TAS2R1: variants seen among roughly 807,000 people sequenced by gnomAD.
TAS2R1 encodes taste 2 receptor member 1, also known as taste receptor type 2 member 1.
For missense variants in TAS2R1, 370 were observed against 353.4 expected, an observed-to-expected ratio of 1.05 and a Z score of -0.38; for synonymous variants, 141 against 134.2, an observed-to-expected ratio of 1.05 and a Z score of -0.35.
chr5:9,903,128 T>C, the TAS2R1 span, among the ~76,000 whole-genome samples: 1 of 151,962 alleles, frequency 6.6e-6, no homozygotes, highest in African/African-American at 2.4e-5. Context: ...AAATGTACAG[T>C]TGAGTTACTA....
chr5:9,798,313 G>T, the TAS2R1 span, among the ~76,000 whole-genome samples: 1 of 152,032 alleles, frequency 6.6e-6, no homozygotes, highest in South Asian at 2.1e-4. Flanking sequence ...TTGGATTATG[G>T]TGATAATTGT....
chr5:9,800,664 T>C, the TAS2R1 span, among the ~76,000 whole-genome samples: 1 of 152,174 alleles, frequency 6.6e-6, no homozygotes, highest in Non-Finnish European at 1.5e-5. Flanking sequence ...AGCTGGGTTT[T>C]ATCTGGTGGG....
At chr5:9,777,151 A>G in the TAS2R1 span, among the ~76,000 whole-genome samples, 1 of 152,304 alleles carries the variant, frequency 6.6e-6, no homozygotes, top group East Asian at 1.9e-4. Flanking sequence ...ATGAGACAAC[A>G]GTGAAGTTTG....
At chr5:9,647,714 T>C (rs1266327534) in intron 2 of TAS2R1, among the ~76,000 whole-genome samples, 1 of 152,190 alleles carries the variant, frequency 6.6e-6, no homozygotes, top group Non-Finnish European at 1.5e-5. Context: ...TCAGACTTTC[T>C]ACAGATAGAC....
chr5:9,847,321 T>A, the TAS2R1 span, among the ~76,000 whole-genome samples: 2 of 152,218 alleles, frequency 1.3e-5, no homozygotes, highest in Admixed American at 1.3e-4. Context: ...GATCCTTTTT[T>A]AAAAAAGTTC....
At chr5:9,901,569 C>T in the TAS2R1 span, among the ~76,000 whole-genome samples, 1 of 151,878 alleles carries the variant, frequency 6.6e-6, no homozygotes, top group Admixed American at 6.6e-5. Context: ...ATAATAGGGG[C>T]CTTTGAAAGC....
chr5:9,894,697 G>A, the TAS2R1 span, among the ~76,000 whole-genome samples: 1 of 152,238 alleles, frequency 6.6e-6, no homozygotes, highest in Admixed American at 6.5e-5. Flanking sequence ...GTCACCTAGA[G>A]ATGCTAAGGA....
chr5:9,814,864 A>T, the TAS2R1 span, among the ~76,000 whole-genome samples: 1 of 152,234 alleles, frequency 6.6e-6, no homozygotes, highest in Non-Finnish European at 1.5e-5. Context: ...CTAACTTAGT[A>T]ATAAATTATC....
intron 2 of TAS2R1, among the ~76,000 whole-genome samples, chr5:9,651,708 T>A (rs1409371433): frequency 7.6e-6 from 1 of 132,302 alleles, no homozygotes; most frequent in African/African-American, 2.8e-5. Context: ...ATCTTGAGCA[T>A]CCTTGGTGAG....
chr5:9,711,097 A>T (rs546347512), intron 1 of TAS2R1, among the ~76,000 whole-genome samples: 2 of 152,012 alleles, frequency 1.3e-5, no homozygotes, highest in East Asian at 3.9e-4. Context: ...TATGAAAAAC[A>T]CTATGGAGAT....
chr5:9,902,135 A>T, the TAS2R1 span, among the ~76,000 whole-genome samples: 2 of 152,092 alleles, frequency 1.3e-5, no homozygotes, highest in East Asian at 3.8e-4. Flanking sequence ...TATAGCTCTT[A>T]AACATAGTGT....
the TAS2R1 span, among the ~76,000 whole-genome samples, chr5:9,850,926 A>G: frequency 1.3e-5 from 2 of 152,112 alleles, no homozygotes; most frequent in East Asian, 1.9e-4. Context: ...TGGGAGGGGG[A>G]GAATGAGAAA....
the TAS2R1 span, among the ~76,000 whole-genome samples, chr5:9,888,229 CT>C: frequency 6.6e-6 from 1 of 152,174 alleles, no homozygotes; most frequent in African/African-American, 2.4e-5. Flanking sequence ...GCTCAGCCCT[CT>C]CACGGGAGCT....
the TAS2R1 span, among the ~76,000 whole-genome samples, chr5:9,839,342 A>T: frequency 6.6e-6 from 1 of 152,234 alleles, no homozygotes; most frequent in African/African-American, 2.4e-5. Flanking sequence ...TTCATATATG[A>T]TATCAGCAAT....
At chr5:9,750,415 A>C in the TAS2R1 span, among the ~76,000 whole-genome samples, 1 of 152,230 alleles carries the variant, frequency 6.6e-6, no homozygotes, top group South Asian at 2.1e-4. Flanking sequence ...ATTTTAAATG[A>C]TTTGCTCTGA....
the TAS2R1 span, among the ~76,000 whole-genome samples, chr5:9,806,633 A>T: frequency 6.7e-6 from 1 of 148,964 alleles, no homozygotes; most frequent in Non-Finnish European, 1.5e-5. Flanking sequence ...AAGCAAACAA[A>T]AACATAAAGT....
the TAS2R1 span, among the ~76,000 whole-genome samples, chr5:9,828,094 A>C: frequency 6.6e-6 from 1 of 151,976 alleles, no homozygotes; most frequent in Non-Finnish European, 1.5e-5. Flanking sequence ...TGCTTAGCTC[A>C]TACTCATTCT....
rs116843120 is a variant in TAS2R1, at chr5:9,643,993, C to T, written c.-80-14001G>A. On this transcript the variant is annotated intron_variant, in intron 2 of 2. Transcript: ENST00000506620. ...ACTCCCCATCCCATCAATAAAAGAG[C>T]TTGCAGCATTCCAGGAATAAACAAT... Among the ~76,000 whole-genome samples the T allele has an allele frequency of 5.3e-5, 8 of 152,178 alleles. No homozygotes were observed. The East Asian group carries it at 1.5e-3, about 29-fold the overall frequency.
chr5:9,813,769 A>T, the TAS2R1 span, among the ~76,000 whole-genome samples: 1 of 152,188 alleles, frequency 6.6e-6, no homozygotes, highest in Non-Finnish European at 1.5e-5. Context: ...CATCCTAATT[A>T]TACATTCTAC....
Sources: gnomAD v4.1 joint callset for allele counts (sites outside exome capture counted in the v4.1 genomes callset) on GRCh38, gnomAD v4.1.1 for gene constraint, MANE v1.5 for transcripts, NCBI Gene and HGNC (gene_info 2026-07-23, HGNC 2026-07-21) for gene names.